Variants in CD1B observed in about 807,000 individuals in gnomAD.
The protein encoded by CD1B is CD1b molecule.
A neutral mutation model predicts 39.8 loss-of-function variants in CD1B; 43 were observed. The ratio of observed to expected loss-of-function variants is 1.08; its 90% CI spans 0.85 to 1.39. CD1B has a LOEUF of 1.39. Ranked by LOEUF, CD1B falls within the 40% of genes most tolerant of loss-of-function variation. The pLI is 0.00. For synonymous variants in CD1B, 192 were observed against 152.5 expected (o/e 1.26, Z -1.91); for missense variants, 495 against 403.8 (o/e 1.23, Z -1.94).
At chr1:158,297,259 C>A in the CD1B span, among the ~76,000 whole-genome samples, 1 of 152,168 alleles carries the variant, frequency 6.6e-6, no homozygotes, top group African/African-American at 2.4e-5. Context: ...TACCTTTCAG[C>A]AGAAACCTTA....
chr1:158,303,150 C>G, the CD1B span, among the ~76,000 whole-genome samples: 7 of 152,232 alleles, frequency 4.6e-5, no homozygotes, highest in South Asian at 1.5e-3. Flanking sequence ...GTAAATGATT[C>G]ATCACATAAG....
the CD1B span, chr1:158,292,029 C>G: frequency 6.5e-7 from 1 of 1,538,256 alleles, no homozygotes; most frequent in African/African-American, 1.4e-5. Context: ...GGTTTTTATA[C>G]TGTTGTTTTC....
At chr1:158,299,473 C>T in the CD1B span, among the ~76,000 whole-genome samples, 1 of 148,664 alleles carries the variant, frequency 6.7e-6, no homozygotes, top group East Asian at 2.0e-4. Context: ...GTCTAAAACT[C>T]TCAGCATCAG....
At chr1:158,299,274 A>G in the CD1B span, among the ~76,000 whole-genome samples, 23 of 152,210 alleles carry the variant, frequency 1.5e-4, no homozygotes, top group Admixed American at 1.5e-3. Flanking sequence ...TGAGATAATG[A>G]TGTGGTTTTT....
At chr1:158,297,776 A>C in the CD1B span, among the ~76,000 whole-genome samples, 3 of 152,010 alleles carry the variant, frequency 2.0e-5, no homozygotes, top group Non-Finnish European at 4.4e-5. Context: ...CTACAAAAAA[A>C]CCAAGAAAAT....
chr1:158,293,555 G>GTCGAC, the CD1B span: 3 of 1,613,722 alleles, frequency 1.9e-6, no homozygotes, highest in South Asian at 3.3e-5. Flanking sequence ...ATGCCATCCC[G>GTCGAC]TCGACTCTCC....
rs1171561914 is a variant in CD1B at position 158,329,905 on chromosome 1, G to T, written c.554C>A (p.Pro185His). 8.7e-6 allele frequency: 14 copies of T among 1,614,072 alleles called. No individual in the cohort carries two copies. Among genetic ancestry groups the T allele is most frequent in the Non-Finnish European group, 1.1e-5 (13 of 1,180,004 alleles). ...TVRILLYETCPRYLLGVLNAG... is the reference protein window; with the variant it reads ...TVRILLYETCHRYLLGVLNAG... Reference sequence around the variant, plus strand: ...ATTGAGGACGCCCAAGAGATATCGGGGGCAGGTTTCATAGAGGAGAATTCT... The same window carrying T: ...ATTGAGGACGCCCAAGAGATATCGGTGGCAGGTTTCATAGAGGAGAATTCT... Residue 185 changes from proline to histidine, a missense_variant, in exon 3 of 6, where the codon CCC (proline) becomes CAC (histidine). Coordinates refer to ENST00000368168, the MANE Select transcript of CD1B (RefSeq NM_001764.3).
chr1:158,314,213 T>A, the CD1B span, among the ~76,000 whole-genome samples: 33 of 152,138 alleles, frequency 2.2e-4, no homozygotes, highest in African/African-American at 3.1e-4. Flanking sequence ...GCCTCCCTAG[T>A]GGCTGGAATT....
At chr1:158,319,246 T>C in the CD1B span, among the ~76,000 whole-genome samples, 30 of 151,792 alleles carry the variant, frequency 2.0e-4, 1 homozygote, top group East Asian at 5.4e-3. Flanking sequence ...CTGGATAATA[T>C]CCTGCAGAGT....
At chr1:158,322,277 C>T in the CD1B span, among the ~76,000 whole-genome samples, 1 of 152,184 alleles carries the variant, frequency 6.6e-6, no homozygotes, top group Non-Finnish European at 1.5e-5. Flanking sequence ...TACTCTATCA[C>T]CCAGGCTGGA....
the CD1B span, among the ~76,000 whole-genome samples, chr1:158,300,175 G>A: frequency 2.6e-5 from 4 of 152,040 alleles, no homozygotes; most frequent in Admixed American, 6.6e-5. Flanking sequence ...CAGAGATTCT[G>A]GTACATTGTG....
chr1:158,311,319 T>A, the CD1B span, among the ~76,000 whole-genome samples: 1 of 152,312 alleles, frequency 6.6e-6, no homozygotes, highest in East Asian at 1.9e-4. Context: ...GTCATTCGTA[T>A]GTCTTCTTTT....
chr1:158,309,286 C>A, the CD1B span, among the ~76,000 whole-genome samples: 24,913 of 152,106 alleles, frequency 0.16, 2,204 homozygotes, highest in East Asian at 0.28. Flanking sequence ...AATGAGATAC[C>A]ATCTCACAGC....
the CD1B span, among the ~76,000 whole-genome samples, chr1:158,315,492 T>G: frequency 1.2e-4 from 18 of 152,176 alleles, no homozygotes; most frequent in East Asian, 7.7e-4. Context: ...TTGCCCACTT[T>G]TTGATGGGGT....
At chr1:158,320,622 C>T in the CD1B span, among the ~76,000 whole-genome samples, 1,893 of 152,186 alleles carry the variant, frequency 0.012, 38 homozygotes, top group African/African-American at 0.041. Context: ...CCATCTTCTG[C>T]GTCACTCAGG....
chr1:158,287,443 A>C, the CD1B span, among the ~76,000 whole-genome samples: 577 of 152,274 alleles, frequency 3.8e-3, 9 homozygotes, highest in East Asian at 5.4e-3. Flanking sequence ...TACTTCTTAG[A>C]GGCCCCATTT....
the CD1B span, among the ~76,000 whole-genome samples, chr1:158,296,580 A>G: frequency 6.6e-6 from 1 of 152,180 alleles, no homozygotes; most frequent in Non-Finnish European, 1.5e-5. Flanking sequence ...GCTCCCCAAC[A>G]ATCTTTCCTA....
In CD1B at chr1:158,331,382, A is replaced by C; in HGVS notation, c.42T>G (p.Pro14=). The C allele has an allele frequency of 6.2e-7, 1 of 1,614,056 alleles. No homozygotes were observed. Among genetic ancestry groups the C allele is most frequent in the Non-Finnish European group, 8.5e-7 (1 of 1,179,900 alleles). The change falls in exon 1 of 6, where the codon CCT becomes CCG. Residue 14 remains proline, a synonymous_variant. Coordinates refer to ENST00000368168, the MANE Select transcript of CD1B (RefSeq NM_001764.3). Reference sequence around the variant, plus strand: ...TCTTACCATGTTCACTGTTACCACCAGGAAAGAGAACAGCTAACAGTTGAA... The same window carrying C: ...TCTTACCATGTTCACTGTTACCACCCGGAAAGAGAACAGCTAACAGTTGAA... The part of the protein sequence containing the change: ...LPFQLLAVLF[P]GGNSEHAFQG...
the CD1B span, among the ~76,000 whole-genome samples, chr1:158,299,861 T>C: frequency 6.6e-6 from 1 of 152,226 alleles, no homozygotes; most frequent in East Asian, 1.9e-4. Flanking sequence ...ATTGTGTCTA[T>C]ATGATTCTTC....
Sources: allele counts gnomAD v4.1 joint callset (sites outside exome capture counted in the v4.1 genomes callset), GRCh38; gene constraint gnomAD v4.1.1; transcripts MANE v1.5; gene names NCBI Gene and HGNC (gene_info 2026-07-23, HGNC 2026-07-21).